NAA16: variants seen among roughly 807,000 people sequenced by gnomAD.
NAA16 encodes NARG1-like protein.
NAA16 carries 97 observed loss-of-function variants against 110.3 expected under a neutral mutation model. The ratio of observed to expected loss-of-function variants is 0.88; its 90% CI spans 0.75 to 1.04. The LOEUF (loss-of-function observed/expected upper bound fraction) is 1.04. Among genes scored for constraint, NAA16 ranks in the 50% least tolerant of loss-of-function variants. The pLI is 0.00. For synonymous variants in NAA16, 372 were observed against 330.6 expected (o/e 1.13, Z -1.36); for missense variants, 1,017 against 1,005.1 (o/e 1.01, Z -0.16).
chr13:41,362,868 A>G, intron 13 of NAA16: 1 of 1,277,756 alleles, frequency 7.8e-7, no homozygotes, highest in Non-Finnish European at 1.0e-6. Flanking sequence ...CAGGCATCGT[A>G]GTCAGGTGAG....
intron 4 of NAA16, among the ~76,000 whole-genome samples, chr13:41,321,211 T>G (rs1355201082): frequency 1.3e-5 from 2 of 152,032 alleles, no homozygotes; most frequent in African/African-American, 4.8e-5. Context: ...GGCAGGAGGA[T>G]CCCTTGAACC....
intron 10 of NAA16, 35 bp from the exon 11 acceptor site, chr13:41,358,269 C>T (rs1490695402): frequency 6.5e-7 from 1 of 1,537,870 alleles, no homozygotes; most frequent in Non-Finnish European, 9.0e-7. Flanking sequence ...GCTTTACATT[C>T]TTTCTATAAT....
chr13:41,327,111 T>C (rs2042113517), intron 6 of NAA16, among the ~76,000 whole-genome samples: 1 of 152,164 alleles, frequency 6.6e-6, no homozygotes, highest in Admixed American at 6.6e-5. Context: ...TGTATGTTTT[T>C]TTTCCCATAC....
chr13:41,320,645 C>T (rs2041922148), intron 3 of NAA16, 22 bp from the exon 4 acceptor site: 2 of 1,573,776 alleles, frequency 1.3e-6, no homozygotes, highest in African/African-American at 2.7e-5. Flanking sequence ...CTGTGTATGT[C>T]TTTGTTTCCT....
chr13:41,311,988 T>A (rs1555277602), intron 1 of NAA16, among the ~76,000 whole-genome samples: 2 of 152,248 alleles, frequency 1.3e-5, no homozygotes, highest in Non-Finnish European at 2.9e-5. Context: ...TGTTTTGCGT[T>A]CTGCATTCTC....
chr13:41,358,247 A>T (rs943624448), intron 10 of NAA16, 57 bp from the exon 11 acceptor site: 1 of 1,435,058 alleles, frequency 7.0e-7, no homozygotes, highest in Admixed American at 1.8e-5. Flanking sequence ...GGAGAGAGAA[A>T]ATATGTGATT....
At chr13:41,354,905 T>TTTG (rs1555287717) in intron 9 of NAA16, among the ~76,000 whole-genome samples, 3 of 147,216 alleles carry the variant, frequency 2.0e-5, no homozygotes, top group East Asian at 3.9e-4. Context: ...TTTTTTTTTT[T>TTTG]GTCTTGTGAG....
At chr13:41,316,547 C>T (rs913353014) in intron 1 of NAA16, among the ~76,000 whole-genome samples, 19 of 152,224 alleles carry the variant, frequency 1.2e-4, no homozygotes, top group African/African-American at 3.4e-4. Flanking sequence ...TCAAGCGATC[C>T]GCCCACCTTT....
At chr13:41,333,198 T>C (rs527712403) in intron 8 of NAA16, among the ~76,000 whole-genome samples, 1 of 152,292 alleles carries the variant, frequency 6.6e-6, no homozygotes, top group African/African-American at 2.4e-5. Flanking sequence ...AAAAGTGTCT[T>C]GTGGAAGATG....
chr13:41,359,987 G>A (rs2043079229), intron 12 of NAA16, among the ~76,000 whole-genome samples: 1 of 152,170 alleles, frequency 6.6e-6, no homozygotes, highest in Admixed American at 6.5e-5. Context: ...ATGGTGGCAT[G>A]TGCCTATAGT....
chr13:41,345,585 G>A (rs994058925), intron 9 of NAA16, among the ~76,000 whole-genome samples: 1 of 151,674 alleles, frequency 6.6e-6, no homozygotes, highest in Non-Finnish European at 1.5e-5. Flanking sequence ...AGGTTTTTTC[G>A]TTGTTTGTGT....
chr13:41,329,295 A>G (rs1200121134), intron 7 of NAA16, among the ~76,000 whole-genome samples: 1 of 152,012 alleles, frequency 6.6e-6, no homozygotes, highest in Non-Finnish European at 1.5e-5. Flanking sequence ...AACTAGGCTA[A>G]TTTGTGTAGA....
intron 1 of NAA16, among the ~76,000 whole-genome samples, chr13:41,316,324 T>G (rs868198116): frequency 3.3e-4 from 50 of 151,034 alleles, no homozygotes; most frequent in Middle Eastern, 6.8e-3. Flanking sequence ...TTTTTTTTTT[T>G]GAGACAGAGT....
chr13:41,318,903 T>A lies in NAA16; in HGVS notation c.237T>A (p.Ser79Arg). ...AAGGACTTCGTAATGATGTCAAGAG[T>A]CATGTCTGTATCCTTTTGCAGTAGT... ...VRKGLRNDVK[S>R]HVCWHVYGLL... Residue 79 changes from serine to arginine, a missense_variant, in exon 3 of 20, where the codon AGT (serine) becomes AGA (arginine). Physicochemically the swap from Ser to Arg is moderately radical, Grantham distance 110 (BLOSUM62 -1). Transcript: ENST00000379406. 6.3e-7 allele frequency: 1 copy of A among 1,575,054 alleles called. No individual in the cohort carries two copies. The highest frequency in any genetic ancestry group is 8.6e-7 in the Non-Finnish European group (1 of 1,158,600).
rs567303338 is a variant in NAA16, at chr13:41,372,774, C to G, written c.2099C>G (p.Ala700Gly). The G allele has an allele frequency of 6.6e-5, 106 of 1,602,318 alleles. 1 individual carries two copies. In the South Asian group the frequency reaches 1.1e-3, roughly 17 times the overall value. Residue 700 changes from alanine to glycine, a missense_variant, in exon 17 of 20, where the codon GCC becomes GGC. Ala to Gly is a moderately conservative substitution (Grantham distance 60). Transcript: ENST00000379406. ...CTGCAGTCTGTCAAACGAGCTTTTG[C>G]CATTAACAGTAATAACCCATGGTTA... ...LMLQSVKRAFAINSNNPWLHE... is the reference protein window; with the variant it reads ...LMLQSVKRAFGINSNNPWLHE...
Position 41,320,679 on chromosome 13 carries a change from A to G in NAA16, c.257A>G (p.Tyr86Cys), listed in dbSNP as rs2041922792. ...DVKSHVCWHVYGLLQRSDKKY... is the reference protein window; with the variant it reads ...DVKSHVCWHVCGLLQRSDKKY... Reference sequence around the variant, plus strand: ...CTTAACTTAATAGGTTGGCATGTATATGGACTCTTGCAGCGTTCTGATAAA... The same window carrying G: ...CTTAACTTAATAGGTTGGCATGTATGTGGACTCTTGCAGCGTTCTGATAAA... Residue 86 changes from tyrosine (Y) to cysteine (C), a missense_variant, in exon 4 of 20, where the codon TAT becomes TGT. Tyr to Cys is a radical substitution (Grantham distance 194). Coordinates refer to ENST00000379406, the MANE Select transcript of NAA16 (RefSeq NM_024561.5). 7 of 1,608,814 alleles carry G rather than the reference A, an allele frequency of 4.4e-6. No individual in the cohort carries two copies. Among genetic ancestry groups the G allele is most frequent in the Middle Eastern group, 4.1e-4 (2 of 4,932 alleles).
At position 41,376,360 on chromosome 13, in the gene NAA16, A is replaced by G. The variant is rs1033678568; in HGVS notation, c.*758A>G. 6 of 152,156 alleles carry G rather than the reference A, an allele frequency of 3.9e-5. No homozygotes were observed. The highest frequency in any genetic ancestry group is 1.4e-4 in the African/African-American group (6 of 41,434). The allele number at this position is 152,156 out of a possible 1,614,324, so 9.4% of individuals were successfully genotyped here. A position where few individuals can be genotyped will look rare whatever the true frequency, so the allele number is the denominator to read the frequency against. On this transcript the variant is annotated 3_prime_UTR_variant, in exon 20 of 20. Coordinates refer to ENST00000379406, the MANE Select transcript of NAA16 (RefSeq NM_024561.5). The stretch of plus-strand genomic sequence containing the variant: ...TTTAATTCGTCCTTTTTTCATTGTA[A>G]TATTTCATGGTTTACTATTTCCTTT...
At chr13:41,365,955 C>G (rs2043199649) in intron 13 of NAA16, among the ~76,000 whole-genome samples, 1 of 152,112 alleles carries the variant, frequency 6.6e-6, no homozygotes. Flanking sequence ...TGTTCCAGGA[C>G]TTTTAGCGCC....
At chr13:41,335,897 T>C (rs1388457026) in intron 8 of NAA16, among the ~76,000 whole-genome samples, 1 of 152,014 alleles carries the variant, frequency 6.6e-6, no homozygotes, top group Non-Finnish European at 1.5e-5. Context: ...GGTAAATCCA[T>C]GTCCTTATGT....
Sources: allele counts gnomAD v4.1 joint callset (sites outside exome capture counted in the v4.1 genomes callset), GRCh38; gene constraint gnomAD v4.1.1; transcripts MANE v1.5; gene names NCBI Gene and HGNC (gene_info 2026-07-23, HGNC 2026-07-21).